TANGO6: variants seen among roughly 807,000 people sequenced by gnomAD.
The protein encoded by TANGO6 is transport and Golgi organization protein 6 homolog.
A neutral mutation model predicts 114.2 loss-of-function variants in TANGO6; 90 were observed. That is an observed-to-expected ratio of 0.79 (90% CI 0.66 to 0.94). The LOEUF (loss-of-function observed/expected upper bound fraction) is 0.94, where lower values mean the gene tolerates loss of function less well. TANGO6 is among the 40% of genes least tolerant of loss of function. The pLI is 0.00. For missense variants in TANGO6, 1,274 were observed against 1,315.3 expected (o/e 0.97, Z 0.49); for synonymous variants, 477 against 509.8 (o/e 0.94, Z 0.87).
chr16:68,972,786 G>A (rs1963720065), intron 14 of TANGO6, among the ~76,000 whole-genome samples: 1 of 152,200 alleles, frequency 6.6e-6, no homozygotes, highest in Non-Finnish European at 1.5e-5. Context: ...GGAGTAAAGA[G>A]TGGCAGGGGA....
At chr16:68,852,544 C>T (rs900939644) in intron 1 of TANGO6, among the ~76,000 whole-genome samples, 4 of 151,998 alleles carry the variant, frequency 2.6e-5, no homozygotes, top group Non-Finnish European at 5.9e-5. Flanking sequence ...TAGAAAAGCT[C>T]GTGGCCAGGT....
Position 69,005,671 on chromosome 16 carries a change from C to G in TANGO6, c.2843-17157C>G, listed in dbSNP as rs374514051. Among the ~76,000 whole-genome samples the G allele has an allele frequency of 4.6e-5, 7 of 151,902 alleles. No homozygotes were observed. The East Asian group carries it at 1.4e-3, about 29-fold the overall frequency. On this transcript the variant is annotated intron_variant, in intron 15 of 17. Transcript: ENST00000261778. ...AAAAATTAGCCAGGCACCTGTAATC[C>G]CAGCTACTTGGGAGGCTGAGGGAGG...
chr16:68,947,566 A>T (rs557215634), intron 14 of TANGO6, among the ~76,000 whole-genome samples: 1 of 151,536 alleles, frequency 6.6e-6, no homozygotes, highest in South Asian at 2.1e-4. Context: ...ATATAATAAG[A>T]CTAGATATTA....
chr16:68,914,086 A>G (rs1254371281), intron 11 of TANGO6, among the ~76,000 whole-genome samples: 1 of 152,182 alleles, frequency 6.6e-6, no homozygotes, highest in Non-Finnish European at 1.5e-5. Context: ...ACGCCCCCAT[A>G]GGACTACTGT....
At chr16:68,881,009 G>A (rs748347081) in intron 7 of TANGO6, among the ~76,000 whole-genome samples, 2 of 152,044 alleles carry the variant, frequency 1.3e-5, no homozygotes, top group Admixed American at 1.3e-4. Context: ...GGTAGGTCTC[G>A]AACTCCTGGG....
At chr16:68,896,642 A>G (rs1488613011) in intron 7 of TANGO6, among the ~76,000 whole-genome samples, 1 of 152,170 alleles carries the variant, frequency 6.6e-6, no homozygotes, top group Non-Finnish European at 1.5e-5. Context: ...ACTTCCATCA[A>G]GGAAGTTTAA....
intron 15 of TANGO6, among the ~76,000 whole-genome samples, chr16:69,009,765 T>G (rs1964129074): frequency 6.6e-6 from 1 of 152,258 alleles, no homozygotes; most frequent in African/African-American, 2.4e-5. Context: ...TTGTTAAATT[T>G]ATTCCTATCT....
At chr16:68,940,010 T>A (rs1963335566) in intron 14 of TANGO6, among the ~76,000 whole-genome samples, 1 of 152,020 alleles carries the variant, frequency 6.6e-6, no homozygotes, top group African/African-American at 2.4e-5. Flanking sequence ...AAGGATTTTT[T>A]TAAAAATATA....
chr16:68,986,869 C>T (rs749518875), intron 15 of TANGO6, among the ~76,000 whole-genome samples: 4 of 152,156 alleles, frequency 2.6e-5, no homozygotes, highest in Non-Finnish European at 4.4e-5. Context: ...TGCGCCACTG[C>T]ACTCCAGCCT....
intron 12 of TANGO6, among the ~76,000 whole-genome samples, chr16:68,923,109 G>A (rs1963119369): frequency 6.7e-6 from 1 of 150,258 alleles, no homozygotes; most frequent in Non-Finnish European, 1.5e-5. Flanking sequence ...CACCACGCCC[G>A]GCTCATTTTG....
intron 14 of TANGO6, among the ~76,000 whole-genome samples, chr16:68,931,606 G>A (rs1053411321): frequency 1.3e-5 from 2 of 152,168 alleles, no homozygotes; most frequent in Non-Finnish European, 2.9e-5. Flanking sequence ...CAATATGGAC[G>A]AACCTTGAAA....
At chr16:68,987,697 T>C (rs1441436347) in intron 15 of TANGO6, among the ~76,000 whole-genome samples, 1 of 152,220 alleles carries the variant, frequency 6.6e-6, no homozygotes, top group African/African-American at 2.4e-5. Context: ...CTAACAGATC[T>C]TTTCCTAAAA....
intron 7 of TANGO6, among the ~76,000 whole-genome samples, chr16:68,886,157 A>G (rs1386623307): frequency 6.6e-6 from 1 of 151,820 alleles, no homozygotes; most frequent in East Asian, 1.9e-4. Flanking sequence ...ACAGCTTTTC[A>G]TGTGCTTATT....
Position 68,900,517 on chromosome 16 carries a change from T to G in TANGO6, c.1461T>G (p.Cys487Trp). 6.2e-7 allele frequency: 1 copy of G among 1,613,854 alleles called. No homozygotes were observed. ...TGGGAGTGCTTTTTCTTCTCTACTG[T>G]TTTACTAAGCAGAGTGTGTCTCACA... ...PVLGVLFLLY[C>W]FTKQSVSHIR... is the part of the protein sequence containing the mutation. Residue 487 changes from cysteine (C) to tryptophan (W), a missense_variant, in exon 8 of 18, where the codon TGT becomes TGG. Transcript: ENST00000261778.
chr16:68,989,769 C>T (rs1251527798), intron 15 of TANGO6, among the ~76,000 whole-genome samples: 1 of 152,148 alleles, frequency 6.6e-6, no homozygotes, highest in East Asian at 1.9e-4. Context: ...AGGCAATTAA[C>T]GTAGGCTGAA....
intron 1 of TANGO6, among the ~76,000 whole-genome samples, chr16:68,859,375 C>T (rs1450569147): frequency 6.6e-6 from 1 of 152,082 alleles, no homozygotes; most frequent in African/African-American, 2.4e-5. Flanking sequence ...CTCACTGTGT[C>T]GCCCAGGCTG....
In TANGO6 at chr16:69,069,559, A is replaced by G. The variant is rs375360021; in HGVS notation, c.3109-13926A>G. On this transcript the variant is annotated intron_variant, in intron 17 of 17. Transcript: ENST00000261778. Reference sequence around the variant, plus strand: ...GAGAATCTTTTTTTCTGCCAGGACAATCTCCAGCCACCAGCTCCAGTTCAC... The same window carrying G: ...GAGAATCTTTTTTTCTGCCAGGACAGTCTCCAGCCACCAGCTCCAGTTCAC... 2.6e-4 allele frequency among the ~76,000 whole-genome samples: 39 copies of G among 152,002 alleles called. 3 individuals are homozygous for G. The highest frequency in any genetic ancestry group is 2.0e-3 in the Admixed American group (30 of 15,256).
intron 12 of TANGO6, among the ~76,000 whole-genome samples, chr16:68,919,570 G>A (rs1455275404): frequency 1.3e-5 from 2 of 152,038 alleles, no homozygotes; most frequent in Non-Finnish European, 2.9e-5. Flanking sequence ...TACTGTTGTT[G>A]GGGAAAGTCC....
chr16:68,914,525 G>A (rs1962971964), intron 11 of TANGO6, among the ~76,000 whole-genome samples: 1 of 152,202 alleles, frequency 6.6e-6, no homozygotes, highest in African/African-American at 2.4e-5. Context: ...TGCTTCTGTA[G>A]AGCCTGAATC....
Sources: gnomAD v4.1 joint callset for allele counts (sites outside exome capture counted in the v4.1 genomes callset) on GRCh38, gnomAD v4.1.1 for gene constraint, MANE v1.5 for transcripts, NCBI Gene and HGNC (gene_info 2026-07-23, HGNC 2026-07-21) for gene names.